Variants in PCDHGA11 observed in about 807,000 individuals in gnomAD.
The protein encoded by PCDHGA11 is protocadherin gamma-A11.
A neutral mutation model predicts 60.4 loss-of-function variants in PCDHGA11; 39 were observed. The ratio of observed to expected loss-of-function variants is 0.65; its 90% CI spans 0.50 to 0.84. The LOEUF (loss-of-function observed/expected upper bound fraction) is 0.84, where lower values mean the gene tolerates loss of function less well. Ranked by LOEUF, PCDHGA11 falls within the 40% of genes least tolerant of loss-of-function variation. The pLI is 0.00. For synonymous variants in PCDHGA11, 533 were observed against 510.3 expected, an observed-to-expected ratio of 1.04 and a Z score of -0.60; for missense variants, 1,165 against 1,197.7, an observed-to-expected ratio of 0.97 and a Z score of 0.40.
Position 141,432,206 on chromosome 5 carries a change from G to T in PCDHGA11, c.2433+8546G>T, listed in dbSNP as rs551220443. ...GACCGCCCACGACCCCGACTGTGAA[G>T]AGAACGCCCAGATCACTTATTCCCT... On this transcript the variant is annotated intron_variant, in intron 1 of 3. Coordinates refer to ENST00000398587, the MANE Select transcript of PCDHGA11 (RefSeq NM_018914.3). The surrounding 1 kb of genome is among the most constrained non-coding windows in gnomAD (Gnocchi z 6.0). 12 of 1,614,214 alleles carry T rather than the reference G, an allele frequency of 7.4e-6. No individual in the cohort carries two copies. The Admixed American group carries it at 8.3e-5, about 11-fold the overall frequency.
Position 141,489,331 on chromosome 5 carries a change from C to G in PCDHGA11, c.2434-5476C>G. ...CTGCTGGGGCTGGGTGTCTGGGCAG[C>G]TTCGTTACTCAGTGGTGGAGGAGTC... On this transcript the variant is annotated intron_variant, in intron 1 of 3. Coordinates refer to ENST00000398587, the MANE Select transcript of PCDHGA11 (RefSeq NM_018914.3). The surrounding 1 kb of genome is among the most constrained non-coding windows in gnomAD (Gnocchi z 4.5). 1 of 1,605,478 alleles carries G rather than the reference C, an allele frequency of 6.2e-7. No homozygotes were observed. Among genetic ancestry groups the G allele is most frequent in the Non-Finnish European group, 8.5e-7 (1 of 1,174,878 alleles).
chr5:141,474,579 G>A (rs1340685342), intron 1 of PCDHGA11, among the ~76,000 whole-genome samples: 3 of 152,196 alleles, frequency 2.0e-5, no homozygotes, highest in Non-Finnish European at 4.4e-5. Flanking sequence ...TAATTGAAGT[G>A]TTAAAGACAT....
chr5:141,468,159 T>C (rs1408861467), intron 1 of PCDHGA11, among the ~76,000 whole-genome samples: 2 of 151,760 alleles, frequency 1.3e-5, no homozygotes, highest in Admixed American at 6.6e-5. Context: ...ACCCTGTCTC[T>C]GCTAAAAATA....
In PCDHGA11 at chr5:141,490,134, C is replaced by G; in HGVS notation, c.2434-4673C>G. On this transcript the variant is annotated intron_variant, in intron 1 of 3. Transcript: ENST00000398587. This position sits in a 1 kb window ranked among gnomAD's most constrained non-coding sequence, Gnocchi z 5.4. ...GGAACCTCTTTGGCCTAGACCCTAG[C>G]AGTGGGGCAATCCATGTGTTGGGTC... The G allele has an allele frequency of 1.2e-6, 2 of 1,614,232 alleles. No homozygotes were observed. The highest frequency in any genetic ancestry group is 1.7e-6 in the Non-Finnish European group (2 of 1,180,030).
At chr5:141,474,965 A>T (rs1268347441) in intron 1 of PCDHGA11, among the ~76,000 whole-genome samples, 1 of 152,236 alleles carries the variant, frequency 6.6e-6, no homozygotes, top group Non-Finnish European at 1.5e-5. Context: ...TATCCTAATC[A>T]TTATAATTTT....
At position 141,431,496 on chromosome 5, in the gene PCDHGA11, A is replaced by C. The variant is rs1223687647; in HGVS notation, c.2433+7836A>C. On this transcript the variant is annotated intron_variant, in intron 1 of 3. Coordinates refer to ENST00000398587, the MANE Select transcript of PCDHGA11 (RefSeq NM_018914.3). This position sits in a 1 kb window ranked among gnomAD's most constrained non-coding sequence, Gnocchi z 4.8. ...AACGCACCAGCGTTTGCTCAGCCCGAGTACCGCGCGAGCGTTCCGGAGAAT... is the reference window on the plus strand; with the variant it reads ...AACGCACCAGCGTTTGCTCAGCCCGCGTACCGCGCGAGCGTTCCGGAGAAT... 5 of 1,614,020 alleles carry C rather than the reference A, an allele frequency of 3.1e-6. No individual in the cohort carries two copies. The South Asian group carries it at 4.4e-5, about 14-fold the overall frequency.
chr5:141,501,290 T>TACACAC lies in PCDHGA11; in HGVS notation c.2493-4064_2493-4059dup, dbSNP rs55762287. Among the ~76,000 whole-genome samples the TACACAC allele has an allele frequency of 5.7e-3, 774 of 136,224 alleles. 5 individuals are homozygous for TACACAC. The highest frequency in any genetic ancestry group is 9.9e-3 in the African/African-American group (361 of 36,504). The allele number at this position is 136,224 out of a possible 152,430, so 89.4% of individuals were successfully genotyped here. A position where few individuals can be genotyped will look rare whatever the true frequency, so the allele number is the denominator to read the frequency against. ...GTCCAGTCTATGGGATATTCCCTTA[T>TACACAC]ACACACACACACACACACACACACA... On this transcript the variant is annotated intron_variant, in intron 2 of 3. Transcript: ENST00000398587.
chr5:141,487,403 C>T lies in PCDHGA11; in HGVS notation c.2434-7404C>T. 1 of 1,614,140 alleles carries T rather than the reference C, an allele frequency of 6.2e-7. No homozygotes were observed. Among genetic ancestry groups the T allele is most frequent in the South Asian group, 1.1e-5 (1 of 91,082 alleles). ...CAGATCTCGAAGGAGGGAGGGGCTTCCCCCTTCCAATGGGATCCTCCGAAT... is the reference window on the plus strand; with the variant it reads ...CAGATCTCGAAGGAGGGAGGGGCTTTCCCCTTCCAATGGGATCCTCCGAAT... On this transcript the variant is annotated intron_variant, in intron 1 of 3. Coordinates refer to ENST00000398587, the MANE Select transcript of PCDHGA11 (RefSeq NM_018914.3). The surrounding 1 kb of genome is among the most constrained non-coding windows in gnomAD (Gnocchi z 5.0).
Position 141,432,602 on chromosome 5 carries a change from G to A in PCDHGA11, c.2433+8942G>A. The A allele has an allele frequency of 6.2e-7, 1 of 1,613,966 alleles. No homozygotes were observed. Among genetic ancestry groups the A allele is most frequent in the Non-Finnish European group, 8.5e-7 (1 of 1,179,972 alleles). On this transcript the variant is annotated intron_variant, in intron 1 of 3. Transcript: ENST00000398587. This position sits in a 1 kb window ranked among gnomAD's most constrained non-coding sequence, Gnocchi z 6.0. ...CCGTCTGCTCAAGGCCAGCGAGCCG[G>A]GACTCTTCTCGGTGGGTCTGCACAC...
chr5:141,467,897 A>G (rs1403276382), intron 1 of PCDHGA11, among the ~76,000 whole-genome samples: 1 of 152,056 alleles, frequency 6.6e-6, no homozygotes, highest in Non-Finnish European at 1.5e-5. Flanking sequence ...GAGCTCAAGA[A>G]ATCCGCCCAC....
rs1365133001 is a variant in PCDHGA11 at position 141,477,683 on chromosome 5, G to A, written c.2434-17124G>A. ...TGACAATGGCATAGTGTCATCCTTA[G>A]TGCCCCTAGACTATGAGGATCGGCG... On this transcript the variant is annotated intron_variant, in intron 1 of 3. Transcript: ENST00000398587. This position sits in a 1 kb window ranked among gnomAD's most constrained non-coding sequence, Gnocchi z 4.9. 1.2e-6 allele frequency: 2 copies of A among 1,614,176 alleles called. No homozygotes were observed. The highest frequency in any genetic ancestry group is 3.3e-5 in the Admixed American group (2 of 60,028).
Position 141,426,915 on chromosome 5 carries a change from G to A in PCDHGA11, c.2433+3255G>A, listed in dbSNP as rs143411146. On this transcript the variant is annotated intron_variant, in intron 1 of 3. Coordinates refer to ENST00000398587, the MANE Select transcript of PCDHGA11 (RefSeq NM_018914.3). ...ACAGAGCTCTCATCTCCTGGTCCTG[G>A]AAGCAATGGACATGGGTGACCCAGT... 1,737 of 456,738 alleles carry A rather than the reference G, an allele frequency of 3.8e-3. 17 individuals carry two copies. Among genetic ancestry groups the A allele is most frequent in the Admixed American group, 0.01 (426 of 42,586 alleles). The allele number at this position is 456,738 out of a possible 1,614,324, so 28.3% of individuals were successfully genotyped here.
Position 141,491,916 on chromosome 5 carries a change from G to T in PCDHGA11, c.2434-2891G>T. ...GAGCACCGGGGGTGGTGGCGACTGT[G>T]GGCGAGGGGAGGTGGGACCGACCCC... On this transcript the variant is annotated intron_variant, in intron 1 of 3. Transcript: ENST00000398587. The surrounding 1 kb of genome is among the most constrained non-coding windows in gnomAD (Gnocchi z 6.9). 2 of 1,386,662 alleles carry T rather than the reference G, an allele frequency of 1.4e-6. No homozygotes were observed. Among genetic ancestry groups the T allele is most frequent in the African/African-American group, 1.5e-5 (1 of 68,510 alleles). The allele number at this position is 1,386,662 out of a possible 1,614,324, so 85.9% of individuals were successfully genotyped here.
At chr5:141,492,240 C>T (rs1031016944) in intron 1 of PCDHGA11, among the ~76,000 whole-genome samples, 1 of 152,242 alleles carries the variant, frequency 6.6e-6, no homozygotes, top group African/African-American at 2.4e-5. Flanking sequence ...CTGCTGGCCA[C>T]CCCCACGGCC....
intron 1 of PCDHGA11, among the ~76,000 whole-genome samples, chr5:141,464,197 G>A (rs1216682352): frequency 3.3e-5 from 5 of 151,394 alleles, no homozygotes; most frequent in African/African-American, 9.7e-5. Context: ...TTCAGGAGGC[G>A]GAGATTGCAG....
At chr5:141,445,781 G>A (rs1424622281) in intron 1 of PCDHGA11, among the ~76,000 whole-genome samples, 25 of 152,112 alleles carry the variant, frequency 1.6e-4, no homozygotes, top group Admixed American at 1.6e-3. Flanking sequence ...AAAGGGCTAG[G>A]GAGGCTAGAA....
chr5:141,496,783 C>T (rs572860852), intron 2 of PCDHGA11, among the ~76,000 whole-genome samples: 1 of 152,162 alleles, frequency 6.6e-6, no homozygotes, highest in East Asian at 1.9e-4. Context: ...GAGCAGGGCC[C>T]TGTGCTAAAC....
chr5:141,509,621 C>T (rs1179988828), intron 3 of PCDHGA11, among the ~76,000 whole-genome samples: 1 of 152,178 alleles, frequency 6.6e-6, no homozygotes, highest in African/African-American at 2.4e-5. Flanking sequence ...AAACAAGTTC[C>T]TGGGTGATGC....
chr5:141,483,872 T>A (rs1373802168), intron 1 of PCDHGA11, among the ~76,000 whole-genome samples: 1 of 152,080 alleles, frequency 6.6e-6, no homozygotes, highest in African/African-American at 2.4e-5. Context: ...CAGATCAGGA[T>A]GGATTTTTCT....
Sources: allele counts gnomAD v4.1 joint callset (sites outside exome capture counted in the v4.1 genomes callset), GRCh38; gene constraint gnomAD v4.1.1; non-coding constraint Gnocchi (gnomAD v3.1); transcripts MANE v1.5; gene names NCBI Gene and HGNC (gene_info 2026-07-23, HGNC 2026-07-21).